The following UTRN variants were observed in gnomAD, a reference collection of about 807,000 sequenced individuals.
UTRN encodes dystrophin-related protein 1.
UTRN carries 283 observed loss-of-function variants against 463.9 expected under a neutral mutation model. The ratio of observed to expected loss-of-function variants is 0.61; its 90% CI spans 0.55 to 0.67. The LOEUF (loss-of-function observed/expected upper bound fraction) is 0.67. Among genes scored for constraint, UTRN ranks in the 30% least tolerant of loss-of-function variants. The pLI is 0.00. For missense variants in UTRN, 3,922 were observed against 4,084.3 expected (o/e 0.96, Z 1.08); for synonymous variants, 1,442 against 1,431.5 (o/e 1.01, Z -0.17).
chr6:144,423,598 G>A lies in UTRN; in HGVS notation c.284G>A (p.Arg95Lys), dbSNP rs1168353514. 1 of 1,614,244 alleles carries A rather than the reference G, an allele frequency of 6.2e-7. No individual in the cohort carries two copies. The part of the protein sequence containing the change: ...TRVHALNNVN[R>K]VLQVLHQNNV... The stretch of plus-strand genomic sequence containing the variant: ...GTACATGCCTTAAATAACGTCAACA[G>A]AGTGCTGCAGGTTTTACATCAGAAC... Residue 95 changes from arginine (R) to lysine (K), a missense_variant, in exon 5 of 75, where the codon AGA (arginine) becomes AAA (lysine). Coordinates refer to ENST00000367545, the MANE Select transcript of UTRN (RefSeq NM_007124.3).
chr6:144,730,016 T>C (rs1203473755), intron 53 of UTRN, among the ~76,000 whole-genome samples: 1 of 152,266 alleles, frequency 6.6e-6, no homozygotes, highest in Non-Finnish European at 1.5e-5. Flanking sequence ...GAAAAAAGTA[T>C]CTTAGCAAAG....
chr6:144,396,985 C>T (rs938662358), intron 2 of UTRN, among the ~76,000 whole-genome samples: 1 of 152,164 alleles, frequency 6.6e-6, no homozygotes, highest in Non-Finnish European at 1.5e-5. Flanking sequence ...GTGGCTCATG[C>T]CTGTAATCCC....
At chr6:144,832,163 A>G (rs972366468) in intron 69 of UTRN, among the ~76,000 whole-genome samples, 1 of 152,236 alleles carries the variant, frequency 6.6e-6, no homozygotes, top group Non-Finnish European at 1.5e-5. Context: ...TTCTATCTGC[A>G]TTTAAAGAGT....
chr6:144,512,603 G>T (rs1028330491), intron 35 of UTRN, among the ~76,000 whole-genome samples: 8 of 151,154 alleles, frequency 5.3e-5, no homozygotes, highest in Non-Finnish European at 1.2e-4. Context: ...ACCCATGCTG[G>T]AGTGCAGTGG....
chr6:144,598,732 T>C (rs1803920127), intron 51 of UTRN, among the ~76,000 whole-genome samples: 1 of 152,180 alleles, frequency 6.6e-6, no homozygotes. Flanking sequence ...AATCATAAGG[T>C]CGCTGTATTA....
rs190759324 is a variant in UTRN at position 144,351,342 on chromosome 6, A to G, written c.80-51781A>G. Reference sequence around the variant, plus strand: ...TAAATGAGGCCCCGTATGCACCATCATATTGAAAATTTACCAGTGTGTCCT... The same window carrying G: ...TAAATGAGGCCCCGTATGCACCATCGTATTGAAAATTTACCAGTGTGTCCT... On this transcript the variant is annotated intron_variant, in intron 2 of 74. Coordinates refer to ENST00000367545, the MANE Select transcript of UTRN (RefSeq NM_007124.3). Among the ~76,000 whole-genome samples the G allele has an allele frequency of 3.7e-3, 565 of 152,326 alleles. 3 individuals carry two copies. Among genetic ancestry groups the G allele is most frequent in the African/African-American group, 0.012 (504 of 41,574 alleles).
chr6:144,721,366 G>T (rs1586209549), intron 53 of UTRN, among the ~76,000 whole-genome samples: 1 of 152,264 alleles, frequency 6.6e-6, no homozygotes, highest in African/African-American at 2.4e-5. Context: ...ATGCCACAAT[G>T]CCTGGCTAAT....
chr6:144,754,556 A>G (rs1378895347), intron 56 of UTRN, among the ~76,000 whole-genome samples, 164 bp from the exon 57 acceptor site: 1 of 122,292 alleles, frequency 8.2e-6, no homozygotes, highest in African/African-American at 3.3e-5. Context: ...TTTTTTTACC[A>G]TTACTCTGAT....
chr6:144,820,853 G>A, intron 65 of UTRN, 29 bp from the exon 66 acceptor site: 1 of 1,598,862 alleles, frequency 6.3e-7, no homozygotes, highest in East Asian at 2.3e-5. Flanking sequence ...ATTTTACTGA[G>A]AGAAGTGTAA....
chr6:144,522,321 T>C, intron 40 of UTRN, 150 bp downstream of exon 40: 1 of 568,876 alleles, frequency 1.8e-6, no homozygotes, highest in Non-Finnish European at 2.7e-6. Context: ...CTTTCCTATA[T>C]TGTCAAAGAA....
chr6:144,308,662 A>G (rs974771412), intron 2 of UTRN, among the ~76,000 whole-genome samples: 1 of 152,034 alleles, frequency 6.6e-6, no homozygotes, highest in African/African-American at 2.4e-5. Flanking sequence ...TCAATACCAC[A>G]TCTATCCTCA....
intron 69 of UTRN, among the ~76,000 whole-genome samples, chr6:144,829,421 A>G (rs1217682761): frequency 1.3e-5 from 2 of 152,150 alleles, no homozygotes; most frequent in South Asian, 2.1e-4. Flanking sequence ...TTTCTAGCCA[A>G]TTAGTTTATT....
chr6:144,678,627 A>C (rs9376837), intron 52 of UTRN, 49 bp downstream of exon 52: 209,904 of 1,472,760 alleles, frequency 0.14, 18,231 homozygotes, highest in East Asian at 0.52. Flanking sequence ...GAAGGGGTAG[A>C]TACTTGTGAT....
At chr6:144,568,080 G>A (rs1164069106) in intron 50 of UTRN, among the ~76,000 whole-genome samples, 2 of 151,900 alleles carry the variant, frequency 1.3e-5, no homozygotes, top group African/African-American at 4.8e-5. Context: ...AAAGCTAAGC[G>A]TTTACATTTA....
chr6:144,740,944 G>A (rs4419685), intron 54 of UTRN, among the ~76,000 whole-genome samples: 30,296 of 152,002 alleles, frequency 0.2, 3,921 homozygotes, highest in Admixed American at 0.38. Flanking sequence ...GATGGCAATC[G>A]TTTACACGTG....
chr6:144,753,976 A>G (rs2128724533), intron 56 of UTRN, among the ~76,000 whole-genome samples: 1 of 152,338 alleles, frequency 6.6e-6, no homozygotes, highest in Admixed American at 6.5e-5. Flanking sequence ...AGTAGAGATG[A>G]TCAGATACAA....
At chr6:144,342,672 ACT>A (rs1333840039) in intron 2 of UTRN, among the ~76,000 whole-genome samples, 1 of 152,180 alleles carries the variant, frequency 6.6e-6, no homozygotes, top group Non-Finnish European at 1.5e-5. Context: ...AGAATAGGTA[ACT>A]CTATAGAGAC....
At position 144,499,664 on chromosome 6, in the gene UTRN, T is replaced by C. The variant is rs1793997778; in HGVS notation, c.4764+237T>C. Among the ~76,000 whole-genome samples, 7 of 152,302 alleles carry C rather than the reference T, an allele frequency of 4.6e-5. No individual in the cohort carries two copies. In the South Asian group the frequency reaches 1.5e-3, roughly 32 times the overall value. ...GGGGTACACATATAGGTTTGTTACA[T>C]GGATATATTGTGTAATGCTGAGGTT... On this transcript the variant is annotated intron_variant, in intron 34 of 74. Coordinates refer to ENST00000367545, the MANE Select transcript of UTRN (RefSeq NM_007124.3).
chr6:144,709,840 T>C (rs1785486604), intron 53 of UTRN, among the ~76,000 whole-genome samples: 1 of 152,252 alleles, frequency 6.6e-6, no homozygotes, highest in Non-Finnish European at 1.5e-5. Context: ...TTCTGAGTCT[T>C]CTGATTCCGA....
Sources: gnomAD v4.1 joint callset for allele counts (sites outside exome capture counted in the v4.1 genomes callset) on GRCh38, gnomAD v4.1.1 for gene constraint, MANE v1.5 for transcripts, NCBI Gene and HGNC (gene_info 2026-07-23, HGNC 2026-07-21) for gene names.